GRIP2: variants seen among roughly 807,000 people sequenced by gnomAD.
GRIP2 encodes glutamate receptor-interacting protein 2.
GRIP2 carries 58 observed loss-of-function variants against 108.3 expected under a neutral mutation model. The ratio of observed to expected loss-of-function variants is 0.54; its 90% CI spans 0.43 to 0.67. The LOEUF is 0.67. GRIP2 is among the 30% of genes least tolerant of loss of function. The pLI, the probability that GRIP2 is intolerant of heterozygous loss-of-function variation, is 0.00. For missense variants in GRIP2, 1,278 were observed against 1,430.6 expected (o/e 0.89, Z 1.72); for synonymous variants, 586 against 598.2 (o/e 0.98, Z 0.30).
rs565326622 is a variant in GRIP2, at chr3:14,521,616, C to T, written c.712+26G>A. 1.8e-5 allele frequency: 29 copies of T among 1,585,894 alleles called. No homozygotes were observed. In the South Asian group the frequency reaches 3.0e-4, roughly 16 times the overall value. On this transcript the variant is annotated intron_variant, in intron 7 of 23. Coordinates refer to ENST00000621039, the MANE Select transcript of GRIP2 (RefSeq NM_001080423.4). This position sits in a 1 kb window ranked among gnomAD's most constrained non-coding sequence, Gnocchi z 5.1. ...CATCCCAGGCCTCCTCCTGCCCCAA[C>T]CCACACACTCAGGCCCCCAACTCAC...
chr3:14,592,898 C>T, the GRIP2 span, among the ~76,000 whole-genome samples: 2 of 152,008 alleles, frequency 1.3e-5, no homozygotes, highest in Admixed American at 6.6e-5. Flanking sequence ...TCTTCCCAGA[C>T]CAAGGACTTG....
chr3:14,495,995 A>C (rs940138097), intron 22 of GRIP2, among the ~76,000 whole-genome samples: 4 of 152,008 alleles, frequency 2.6e-5, no homozygotes, highest in Admixed American at 6.5e-5. Flanking sequence ...AAATACAAAA[A>C]TTAGCCAGGT....
chr3:14,550,807 G>A (rs1440984353), intron 1 of GRIP2, among the ~76,000 whole-genome samples: 1 of 152,162 alleles, frequency 6.6e-6, no homozygotes, highest in African/African-American at 2.4e-5. Flanking sequence ...CTGCGCATGG[G>A]CACTGAGACA....
At chr3:14,575,227 G>A in the GRIP2 span, among the ~76,000 whole-genome samples, 11 of 152,314 alleles carry the variant, frequency 7.2e-5, no homozygotes, top group East Asian at 1.7e-3. Context: ...TTAACTAAAA[G>A]AGGAGAAAAA....
chr3:14,556,233 C>T (rs1433548670), upstream of GRIP2, among the ~76,000 whole-genome samples: 1 of 152,214 alleles, frequency 6.6e-6, no homozygotes, highest in Non-Finnish European at 1.5e-5. Context: ...GGGCCCCACC[C>T]TCAAGTCCTC....
chr3:14,540,198 C>T lies in GRIP2; in HGVS notation c.40+71G>A. ...GTCTCAGCCATCCAGTCCCCTCTCTCTGGGCAGCAGCTCCAGAGGGATCTA... is the reference window on the plus strand; with the variant it reads ...GTCTCAGCCATCCAGTCCCCTCTCTTTGGGCAGCAGCTCCAGAGGGATCTA... On this transcript the variant is annotated intron_variant, in intron 1 of 23. Coordinates refer to ENST00000621039, the MANE Select transcript of GRIP2 (RefSeq NM_001080423.4). This position sits in a 1 kb window ranked among gnomAD's most constrained non-coding sequence, Gnocchi z 4.1. 1.3e-6 allele frequency: 2 copies of T among 1,558,084 alleles called. No individual in the cohort carries two copies. Among genetic ancestry groups the T allele is most frequent in the Non-Finnish European group, 1.8e-6 (2 of 1,142,720 alleles).
chr3:14,506,818 C>T lies in GRIP2; in HGVS notation c.2381G>A (p.Gly794Asp). The change falls in exon 19 of 24, where the codon GGT becomes GAT. Residue 794 changes from glycine to aspartate, a missense_variant. By Grantham distance (94) the Gly-to-Asp change is moderately conservative (BLOSUM62 -1). Coordinates refer to ENST00000621039, the MANE Select transcript of GRIP2 (RefSeq NM_001080423.4). ...GGTATTACCTGGGCCCCCAAAGCCA[C>T]CCTCGGTGGCCGAGCTGTCCCAAGA... The part of the protein sequence containing the change: ...VESWDSSATE[G>D]GFGGPGSYTP... The T allele has an allele frequency of 6.2e-7, 1 of 1,601,488 alleles. No individual in the cohort carries two copies. The highest frequency in any genetic ancestry group is 8.5e-7 in the Non-Finnish European group (1 of 1,174,114).
At chr3:14,555,936 T>C (rs968385361) in exon 1 of GRIP2, 20 of 399,540 alleles carry the variant, frequency 5.0e-5, no homozygotes, top group Non-Finnish European at 7.9e-5. Flanking sequence ...AGCCGCCACT[T>C]GAGTGACACC....
intron 1 of GRIP2, among the ~76,000 whole-genome samples, chr3:14,538,532 G>A (rs1014512055): frequency 6.6e-6 from 1 of 152,328 alleles, no homozygotes; most frequent in Admixed American, 6.5e-5. Context: ...TCCTAATGAT[G>A]TTAATTGAGC....
upstream of GRIP2, among the ~76,000 whole-genome samples, chr3:14,540,702 T>C (rs1443199345): frequency 6.6e-6 from 1 of 152,072 alleles, no homozygotes; most frequent in East Asian, 1.9e-4. The surrounding 1 kb of genome is among the most constrained non-coding windows in gnomAD (Gnocchi z 4.1). Flanking sequence ...TTCCAAACTT[T>C]TTTTTTTTCT....
chr3:14,560,577 C>T (rs1695303047), upstream of GRIP2, among the ~76,000 whole-genome samples: 1 of 152,182 alleles, frequency 6.6e-6, no homozygotes, highest in African/African-American at 2.4e-5. Context: ...TTGGATGAAG[C>T]CACTAGGAAA....
upstream of GRIP2, among the ~76,000 whole-genome samples, chr3:14,546,961 T>C (rs972567561): frequency 3.3e-5 from 5 of 152,114 alleles, no homozygotes; most frequent in Non-Finnish European, 1.5e-5. Context: ...CTGGAAGTTA[T>C]TGCAGAGTAA....
At position 14,493,370 on chromosome 3, in the gene GRIP2, T is replaced by C. The variant is rs1452328343; in HGVS notation, c.*295A>G. On this transcript the variant is annotated 3_prime_UTR_variant, in exon 24 of 24. Transcript: ENST00000621039. The stretch of plus-strand genomic sequence containing the variant: ...AGACCTGGGACAGCCCCCAGGCCTC[T>C]CTCCTCTCGGCTGAGCAGCCTGTGC... The C allele has an allele frequency of 1.1e-5, 4 of 374,936 alleles. No homozygotes were observed. Among genetic ancestry groups the C allele is most frequent in the Middle Eastern group, 6.9e-4 (1 of 1,442 alleles). The allele number at this position is 374,936 out of a possible 1,614,324, so 23.2% of individuals were successfully genotyped here. A position where few individuals can be genotyped will look rare whatever the true frequency, so the allele number is the denominator to read the frequency against.
At chr3:14,514,245 T>A (rs1238608190) in intron 12 of GRIP2, 47 bp downstream of exon 12, 5 of 1,433,846 alleles carry the variant, frequency 3.5e-6, no homozygotes, top group Non-Finnish European at 4.6e-6. Context: ...TGACTCAGTT[T>A]CTCTCAGAGA....
the GRIP2 span, chr3:14,574,939 A>G: frequency 4.9e-6 from 1 of 205,234 alleles, no homozygotes; most frequent in Non-Finnish European, 9.8e-6. Flanking sequence ...ATTCAAGCAC[A>G]GGTGAAAACA....
chr3:14,570,885 G>A, the GRIP2 span, among the ~76,000 whole-genome samples: 2 of 152,190 alleles, frequency 1.3e-5, no homozygotes, highest in Non-Finnish European at 2.9e-5. Context: ...AAACTTTTAT[G>A]TGAGCTGAAA....
chr3:14,494,702 G>T (rs1693531695), intron 23 of GRIP2, 141 bp downstream of exon 23: 5 of 968,180 alleles, frequency 5.2e-6, no homozygotes, highest in Middle Eastern at 3.5e-4. Context: ...GGGTGCTGGG[G>T]CCCGCAATGC....
chr3:14,600,940 T>C, the GRIP2 span, among the ~76,000 whole-genome samples: 1 of 152,100 alleles, frequency 6.6e-6, no homozygotes, highest in Non-Finnish European at 1.5e-5. Context: ...GGCAAAGCCA[T>C]TGTTGGTGTC....
chr3:14,566,153 T>C, the GRIP2 span, among the ~76,000 whole-genome samples: 1 of 152,204 alleles, frequency 6.6e-6, no homozygotes, highest in Non-Finnish European at 1.5e-5. Context: ...CAAAGTCCTG[T>C]GACTCTGGCC....
Sources: gnomAD v4.1 joint callset for allele counts (sites outside exome capture counted in the v4.1 genomes callset) on GRCh38, gnomAD v4.1.1 for gene constraint, Gnocchi (gnomAD v3.1) non-coding constraint, MANE v1.5 for transcripts, NCBI Gene and HGNC (gene_info 2026-07-23, HGNC 2026-07-21) for gene names.